UBE2K: variants seen among roughly 807,000 people sequenced by gnomAD.
UBE2K encodes ubiquitin-conjugating enzyme E2 K.
UBE2K carries 6 observed loss-of-function variants against 30.0 expected under a neutral mutation model. That is an observed-to-expected ratio of 0.20 (90% CI 0.11 to 0.39). The LOEUF (loss-of-function observed/expected upper bound fraction) is 0.39, where lower values mean the gene tolerates loss of function less well. UBE2K is among the 10% of genes least tolerant of loss of function. The pLI, the probability that UBE2K is intolerant of heterozygous loss-of-function variation, is 1.00. For synonymous variants in UBE2K, 86 were observed against 83.7 expected (o/e 1.03, Z -0.15); for missense variants, 61 against 241.6 (o/e 0.25, Z 4.96).
At chr4:39,714,550 A>ATATATATATATATTTTT in intron 1 of UBE2K, 2 of 17,846 alleles carry the variant, frequency 1.1e-4, no homozygotes, top group Non-Finnish European at 1.7e-4. Flanking sequence ...ATATATATAT[A>ATATATATATATATTTTT]TTTTTTTTTT....
chr4:39,750,718 TTC>T (rs1721210557), intron 3 of UBE2K, among the ~76,000 whole-genome samples: 1 of 94,658 alleles, frequency 1.1e-5, no homozygotes, highest in Non-Finnish European at 2.1e-5. Flanking sequence ...GAAGATTAAA[TTC>T]TTTTTTTTTT....
intron 1 of UBE2K, among the ~76,000 whole-genome samples, chr4:39,702,257 T>C (rs866071736): frequency 0.3 from 11,573 of 39,230 alleles, 1,165 homozygotes; most frequent in East Asian, 0.45. Context: ...TTTTTTTTTT[T>C]TTTTTTTTTT....
intron 1 of UBE2K, among the ~76,000 whole-genome samples, chr4:39,729,119 C>T (rs1365884124): frequency 6.6e-6 from 1 of 151,988 alleles, no homozygotes; most frequent in Non-Finnish European, 1.5e-5. Flanking sequence ...CAGGCACGCA[C>T]CACCATGCCC....
intron 3 of UBE2K, among the ~76,000 whole-genome samples, chr4:39,748,911 T>A (rs1358341443): frequency 6.6e-6 from 1 of 152,192 alleles, no homozygotes; most frequent in Non-Finnish European, 1.5e-5. Context: ...GATAAATATG[T>A]TCTAGATGTA....
chr4:39,733,067 A>C (rs1720166454), intron 1 of UBE2K, among the ~76,000 whole-genome samples: 1 of 151,128 alleles, frequency 6.6e-6, no homozygotes, highest in South Asian at 2.1e-4. Context: ...AAAAAAAAAA[A>C]AAAAAAACAA....
intron 1 of UBE2K, among the ~76,000 whole-genome samples, chr4:39,723,669 G>C (rs530464715): frequency 6.8e-4 from 103 of 151,972 alleles, no homozygotes; most frequent in Non-Finnish European, 1.3e-3. Flanking sequence ...CACGTGGCCT[G>C]TCTGCTCTTA....
chr4:39,764,949 C>T lies in UBE2K; in HGVS notation c.299+9210C>T, dbSNP rs539482137. ...TGGCCCAGGCTGGAGTGCAGTGGCG[C>T]GATCTCGGCTGACTGTAAGCTCCGC... On this transcript the variant is annotated intron_variant, in intron 4 of 6. Transcript: ENST00000261427. Among the ~76,000 whole-genome samples the T allele has an allele frequency of 2.4e-4, 37 of 151,452 alleles. 1 individual carries two copies. In the East Asian group the frequency reaches 5.8e-3, roughly 24 times the overall value.
chr4:39,708,642 T>C lies in UBE2K; in HGVS notation c.63+10252T>C, dbSNP rs138385257. On this transcript the variant is annotated intron_variant, in intron 1 of 6. Transcript: ENST00000261427. ...TTCAAAATCTTTCTTAAGAAAAATA[T>C]AGTGTCTTAGAAAATGTGCCAAAAT... 1.1e-3 allele frequency among the ~76,000 whole-genome samples: 167 copies of C among 152,178 alleles called. 1 individual carries two copies. Among genetic ancestry groups the C allele is most frequent in the Non-Finnish European group, 1.8e-3 (124 of 67,960 alleles).
rs1450159016 is a variant in UBE2K, at chr4:39,778,411, A to G, written c.580A>G (p.Thr194Ala). ...AAAATCATGGGATGTAGAGACTGCA[A>G]CAGAATTGCTTCTGAGTAACTGAGG... ...SSKSWDVETA[T>A]ELLLSN The change falls in exon 7 of 7, where the codon ACA becomes GCA. Residue 194 changes from threonine (T) to alanine (A), a missense_variant. Transcript: ENST00000261427. 4 of 1,613,138 alleles carry G rather than the reference A, an allele frequency of 2.5e-6. No homozygotes were observed. The highest frequency in any genetic ancestry group is 1.3e-5 in the African/African-American group (1 of 74,890).
intron 5 of UBE2K, among the ~76,000 whole-genome samples, chr4:39,775,213 T>G (rs779745898): frequency 1.3e-5 from 2 of 152,204 alleles, no homozygotes; most frequent in Non-Finnish European, 2.9e-5. Context: ...ACCATCTAGA[T>G]TCTATGATTA....
chr4:39,731,577 G>A (rs1441535245), intron 1 of UBE2K, among the ~76,000 whole-genome samples: 2 of 152,188 alleles, frequency 1.3e-5, no homozygotes, highest in East Asian at 3.9e-4. Flanking sequence ...AGCTACTTGG[G>A]AGGCTGAGGC....
intron 1 of UBE2K, among the ~76,000 whole-genome samples, chr4:39,709,417 A>T (rs1718552506): frequency 6.6e-6 from 1 of 152,034 alleles, no homozygotes; most frequent in Non-Finnish European, 1.5e-5. Flanking sequence ...CCTTATCTGC[A>T]GTTTGATTTT....
rs191914912 is a variant in UBE2K, at chr4:39,753,155, A to G, written c.217-2502A>G. Among the ~76,000 whole-genome samples, 100 of 152,324 alleles carry G rather than the reference A, an allele frequency of 6.6e-4. 1 individual carries two copies. The highest frequency in any genetic ancestry group is 1.1e-3 in the Non-Finnish European group (73 of 68,018). On this transcript the variant is annotated intron_variant, in intron 3 of 6. Transcript: ENST00000261427. Reference sequence around the variant, plus strand: ...TATAATCCTAGTACTTTGGGAGCCTATGTCGGGTGGATCTCTTAAGCCCAG... The same window carrying G: ...TATAATCCTAGTACTTTGGGAGCCTGTGTCGGGTGGATCTCTTAAGCCCAG...
chr4:39,708,087 G>A (rs3932978), intron 1 of UBE2K, among the ~76,000 whole-genome samples: 16,912 of 151,708 alleles, frequency 0.11, 1,259 homozygotes, highest in East Asian at 0.22. Context: ...GTAGAGACCG[G>A]GTTTCTCCAT....
chr4:39,745,003 TA>T (rs1720915100), intron 2 of UBE2K, among the ~76,000 whole-genome samples: 1 of 151,670 alleles, frequency 6.6e-6, no homozygotes, highest in African/African-American at 2.4e-5. Context: ...GAATTTTGCT[TA>T]AAAAATAAAA....
intron 3 of UBE2K, among the ~76,000 whole-genome samples, chr4:39,752,335 C>CTTTT (rs57289268): frequency 1.6e-5 from 1 of 64,094 alleles, no homozygotes; most frequent in Non-Finnish European, 2.7e-5. Context: ...CTTTTTTTTT[C>CTTTT]TTTTTTTTTT....
At chr4:39,753,879 G>A (rs1172684753) in intron 3 of UBE2K, among the ~76,000 whole-genome samples, 1 of 152,136 alleles carries the variant, frequency 6.6e-6, no homozygotes, top group Non-Finnish European at 1.5e-5. Context: ...CCAGCACTTA[G>A]GGAGGCCGAG....
intron 4 of UBE2K, among the ~76,000 whole-genome samples, chr4:39,761,844 C>T (rs924110951): frequency 6.6e-6 from 1 of 151,892 alleles, no homozygotes; most frequent in African/African-American, 2.4e-5. Flanking sequence ...ATCGAAGATA[C>T]AGTTTCTATA....
intron 1 of UBE2K, among the ~76,000 whole-genome samples, chr4:39,701,761 T>G (rs957233098): frequency 9.1e-6 from 1 of 109,402 alleles, no homozygotes. Context: ...TTCTTTCATG[T>G]TTTTTTTTTT....
Sources: gnomAD v4.1 joint callset for allele counts (sites outside exome capture counted in the v4.1 genomes callset) on GRCh38, gnomAD v4.1.1 for gene constraint, MANE v1.5 for transcripts, NCBI Gene and HGNC (gene_info 2026-07-23, HGNC 2026-07-21) for gene names.